Variants in NYAP2 observed in about 807,000 individuals in gnomAD.
NYAP2 encodes the protein neuronal tyrosine-phosphorylated phosphoinositide-3-kinase adaptor 2.
A neutral mutation model predicts 50.4 loss-of-function variants in NYAP2; 23 were observed. The observed-to-expected ratio is 0.46, with a 90% CI of 0.33 to 0.65. NYAP2 has a LOEUF of 0.65. Among genes scored for constraint, NYAP2 ranks in the 30% least tolerant of loss-of-function variants. The pLI is 0.02. For synonymous variants in NYAP2, 394 were observed against 365.2 expected (o/e 1.08, Z -0.90); for missense variants, 885 against 861.0 (o/e 1.03, Z -0.35).
At chr2:225,508,855 G>T (rs1690759378) in intron 3 of NYAP2, among the ~76,000 whole-genome samples, 2 of 152,206 alleles carry the variant, frequency 1.3e-5, no homozygotes, top group Non-Finnish European at 2.9e-5. Flanking sequence ...GCAGCTGACT[G>T]CTATCCTCAG....
At chr2:225,426,691 A>C (rs1574608763) in intron 3 of NYAP2, among the ~76,000 whole-genome samples, 1 of 152,178 alleles carries the variant, frequency 6.6e-6, no homozygotes, top group South Asian at 2.1e-4. Flanking sequence ...ATATTTGTTC[A>C]CTTTTAATAA....
intron 4 of NYAP2, among the ~76,000 whole-genome samples, chr2:225,515,070 GT>G (rs908275727): frequency 6.6e-6 from 1 of 152,098 alleles, no homozygotes; most frequent in African/African-American, 2.4e-5. Context: ...TCTCATTGGT[GT>G]TCAGGTGCCT....
chr2:225,408,929 G>A, exon 3 of NYAP2: 1 of 1,611,756 alleles, frequency 6.2e-7, no homozygotes, highest in South Asian at 1.1e-5. Flanking sequence ...AGACCCTTTG[G>A]ACACATTTCT....
At chr2:225,519,968 C>G (rs927256297) in intron 4 of NYAP2, among the ~76,000 whole-genome samples, 1 of 152,148 alleles carries the variant, frequency 6.6e-6, no homozygotes. Flanking sequence ...GCCATTCTAA[C>G]TGGTGTGAGA....
chr2:225,669,782 C>G, the NYAP2 span, among the ~76,000 whole-genome samples: 2 of 152,126 alleles, frequency 1.3e-5, no homozygotes, highest in African/African-American at 4.8e-5. Context: ...TTGTGTTAGA[C>G]TTTAAAAAGA....
chr2:225,558,088 A>T (rs1691809322), intron 4 of NYAP2, among the ~76,000 whole-genome samples: 1 of 152,024 alleles, frequency 6.6e-6, no homozygotes, highest in South Asian at 2.1e-4. Context: ...CCCTCCAGGG[A>T]GTGGTCTGGC....
intron 5 of NYAP2, among the ~76,000 whole-genome samples, chr2:225,616,429 C>T (rs13421400): frequency 0.51 from 77,767 of 152,036 alleles, 20,464 homozygotes; most frequent in South Asian, 0.67. Flanking sequence ...CAACGAGAAG[C>T]CCCCAGCACT....
chr2:225,407,840 C>G (rs1694967299), intron 2 of NYAP2, among the ~76,000 whole-genome samples: 1 of 151,814 alleles, frequency 6.6e-6, no homozygotes, highest in Admixed American at 6.6e-5. Flanking sequence ...GACAGTAAGC[C>G]TTCCTTCCAT....
At chr2:225,675,130 G>A in the NYAP2 span, among the ~76,000 whole-genome samples, 2 of 151,824 alleles carry the variant, frequency 1.3e-5, no homozygotes, top group Non-Finnish European at 2.9e-5. Flanking sequence ...AATTTCCATC[G>A]AACTTTTTAA....
chr2:225,691,902 C>A, the NYAP2 span, among the ~76,000 whole-genome samples: 3 of 152,138 alleles, frequency 2.0e-5, no homozygotes, highest in African/African-American at 7.2e-5. Context: ...CAGGAAATGA[C>A]AATTTCTCAC....
chr2:225,658,876 T>C (rs1366094590), downstream of NYAP2, among the ~76,000 whole-genome samples: 1 of 152,224 alleles, frequency 6.6e-6, no homozygotes, highest in Non-Finnish European at 1.5e-5. Context: ...ATGGGCTAAG[T>C]AATTTACATA....
At chr2:225,439,658 C>G (rs984063429) in intron 3 of NYAP2, among the ~76,000 whole-genome samples, 1 of 152,116 alleles carries the variant, frequency 6.6e-6, no homozygotes, top group Non-Finnish European at 1.5e-5. Flanking sequence ...ACAACAGTGA[C>G]CCACATTCCC....
chr2:225,484,795 C>T (rs1690261383), intron 3 of NYAP2, among the ~76,000 whole-genome samples: 1 of 152,222 alleles, frequency 6.6e-6, no homozygotes, highest in South Asian at 2.1e-4. Flanking sequence ...GTTGATTGGC[C>T]TGGTCTGGTG....
chr2:225,630,364 T>A (rs976763797), intron 6 of NYAP2, among the ~76,000 whole-genome samples: 2 of 152,206 alleles, frequency 1.3e-5, no homozygotes, highest in African/African-American at 4.8e-5. Context: ...CCCAGGAACT[T>A]TGTATCCTTC....
intron 3 of NYAP2, among the ~76,000 whole-genome samples, chr2:225,416,803 T>G (rs529693939): frequency 2.6e-5 from 4 of 152,140 alleles, no homozygotes; most frequent in Non-Finnish European, 5.9e-5. Context: ...AATAGACAGA[T>G]GTTGGCAAGA....
the NYAP2 span, among the ~76,000 whole-genome samples, chr2:225,661,156 G>C: frequency 6.6e-6 from 1 of 152,108 alleles, no homozygotes; most frequent in Admixed American, 6.6e-5. Flanking sequence ...GAGTCTTTCC[G>C]GAAAATAGTA....
chr2:225,460,620 T>C (rs1206789562), intron 3 of NYAP2, among the ~76,000 whole-genome samples: 35 of 152,194 alleles, frequency 2.3e-4, no homozygotes, highest in Non-Finnish European at 4.4e-5. Context: ...ATGCTTACTT[T>C]AGTTCATTCT....
chr2:225,668,956 C>CTTTTTTT, the NYAP2 span, among the ~76,000 whole-genome samples: 3 of 69,568 alleles, frequency 4.3e-5, no homozygotes, highest in African/African-American at 1.8e-4. Flanking sequence ...GTGTCCCCTG[C>CTTTTTTT]TTTTTTTTTT....
intron 3 of NYAP2, among the ~76,000 whole-genome samples, chr2:225,499,797 GAATT>G (rs1353526064): frequency 5.9e-5 from 9 of 152,236 alleles, no homozygotes; most frequent in African/African-American, 2.2e-4. Context: ...AGATGTTTGT[GAATT>G]AAAGATGAAT....
Sources: allele counts gnomAD v4.1 joint callset (sites outside exome capture counted in the v4.1 genomes callset), GRCh38; gene constraint gnomAD v4.1.1; transcripts MANE v1.5; gene names NCBI Gene and HGNC (gene_info 2026-07-23, HGNC 2026-07-21).